FOXP1: variants seen among roughly 807,000 people sequenced by gnomAD.
FOXP1 encodes forkhead box P1, also known as forkhead box protein P1.
A neutral mutation model predicts 98.2 loss-of-function variants in FOXP1; 15 were observed. The ratio of observed to expected loss-of-function variants is 0.15; its 90% CI spans 0.10 to 0.24. The LOEUF (loss-of-function observed/expected upper bound fraction) is 0.24, where lower values mean the gene tolerates loss of function less well. Among genes scored for constraint, FOXP1 ranks in the 10% least tolerant of loss-of-function variants. FOXP1 has a pLI of 1.00. For synonymous variants in FOXP1, 371 were observed against 314.5 expected (o/e 1.18, Z -1.90); for missense variants, 633 against 848.5 (o/e 0.75, Z 3.15).
chr3:71,558,587 G>A (rs899093531), intron 2 of FOXP1, among the ~76,000 whole-genome samples: 8 of 149,348 alleles, frequency 5.4e-5, no homozygotes, highest in South Asian at 2.2e-4. Flanking sequence ...CTCCGCCTCC[G>A]GGATTCAAGC....
intron 11 of FOXP1, among the ~76,000 whole-genome samples, chr3:71,038,844 T>C (rs1020509918): frequency 6.6e-6 from 1 of 152,068 alleles, no homozygotes; most frequent in Non-Finnish European, 1.5e-5. Flanking sequence ...AAAAAAAGTT[T>C]AATGGAAATT....
intron 14 of FOXP1, among the ~76,000 whole-genome samples, chr3:70,980,261 T>C (rs1168116077): frequency 3.3e-5 from 5 of 152,152 alleles, no homozygotes; most frequent in Non-Finnish European, 7.3e-5. Context: ...ACAGTATGTA[T>C]AAGCATCAGC....
chr3:71,306,471 G>A (rs561340331), intron 4 of FOXP1, among the ~76,000 whole-genome samples: 1 of 151,854 alleles, frequency 6.6e-6, no homozygotes, highest in South Asian at 2.1e-4. Flanking sequence ...TCTCTGCTTT[G>A]TCACATTGTA....
intron 2 of FOXP1, among the ~76,000 whole-genome samples, chr3:71,568,804 G>A (rs950021556): frequency 6.6e-6 from 1 of 151,980 alleles, no homozygotes; most frequent in Admixed American, 6.6e-5. Flanking sequence ...GAGCCACCAC[G>A]CCCGGCTAAT....
At chr3:71,224,062 G>A (rs2065636911) in intron 5 of FOXP1, among the ~76,000 whole-genome samples, 1 of 152,154 alleles carries the variant, frequency 6.6e-6, no homozygotes, top group South Asian at 2.1e-4. Context: ...GAATTTAGAG[G>A]AATTAAGATT....
chr3:71,496,394 G>C (rs576854355), intron 2 of FOXP1, among the ~76,000 whole-genome samples: 2 of 152,308 alleles, frequency 1.3e-5, no homozygotes, highest in Admixed American at 1.3e-4. Context: ...AAGGCTTGGG[G>C]GTGAGGAGTA....
At chr3:71,047,510 C>T (rs554035930) in intron 9 of FOXP1, among the ~76,000 whole-genome samples, 13 of 152,274 alleles carry the variant, frequency 8.5e-5, no homozygotes, top group Middle Eastern at 3.4e-3. Context: ...CTGCCTGCAC[C>T]GGCAGAAGCT....
At chr3:71,279,465 C>T (rs2071281386) in intron 5 of FOXP1, among the ~76,000 whole-genome samples, 1 of 152,066 alleles carries the variant, frequency 6.6e-6, no homozygotes, top group Admixed American at 6.6e-5. Context: ...AGGCATCTAG[C>T]AGGTACAGAC....
chr3:71,311,096 T>C (rs2074652580), intron 4 of FOXP1, among the ~76,000 whole-genome samples: 1 of 152,326 alleles, frequency 6.6e-6, no homozygotes, highest in African/African-American at 2.4e-5. Flanking sequence ...TTTTTTGTTT[T>C]TGAGACATGG....
At chr3:71,165,252 A>AG (rs1205706776) in intron 6 of FOXP1, among the ~76,000 whole-genome samples, 1 of 151,448 alleles carries the variant, frequency 6.6e-6, no homozygotes, top group Non-Finnish European at 1.5e-5. Flanking sequence ...TTTTGTAAAA[A>AG]AAAAAAAAAA....
At chr3:71,142,355 T>C (rs534399692) in intron 6 of FOXP1, among the ~76,000 whole-genome samples, 1 of 152,292 alleles carries the variant, frequency 6.6e-6, no homozygotes, top group East Asian at 1.9e-4. Flanking sequence ...CCAGGTGCTA[T>C]GTGAAGGGGT....
intron 9 of FOXP1, 112 bp downstream of exon 9, chr3:71,052,425 C>G: frequency 1.3e-6 from 1 of 775,558 alleles, no homozygotes; most frequent in Non-Finnish European, 2.3e-6. Flanking sequence ...AGCTGAGAAC[C>G]GATAGAGTCA....
At chr3:71,464,318 C>T (rs1379327626) in intron 3 of FOXP1, among the ~76,000 whole-genome samples, 1 of 152,152 alleles carries the variant, frequency 6.6e-6, no homozygotes, top group Non-Finnish European at 1.5e-5. Context: ...GTCTGCAAGT[C>T]GGGAGCAGGT....
chr3:71,191,869 T>C (rs2063000030), intron 6 of FOXP1, among the ~76,000 whole-genome samples: 1 of 152,216 alleles, frequency 6.6e-6, no homozygotes, highest in Non-Finnish European at 1.5e-5. Context: ...GTGGCATTGA[T>C]TCCTACACAA....
At chr3:71,110,622 T>A (rs1029374304) in intron 7 of FOXP1, among the ~76,000 whole-genome samples, 5 of 152,210 alleles carry the variant, frequency 3.3e-5, no homozygotes, top group African/African-American at 1.2e-4. Flanking sequence ...CCCAGTACTT[T>A]AATATGTACC....
chr3:71,582,616 G>T (rs1209576494), intron 1 of FOXP1: 24 of 985,332 alleles, frequency 2.4e-5, no homozygotes, highest in African/African-American at 3.5e-5. Context: ...TCAGAGGGGG[G>T]TAAAATCAGA....
chr3:71,386,741 C>CAA (rs5850010), intron 3 of FOXP1, among the ~76,000 whole-genome samples: 12,906 of 90,502 alleles, frequency 0.14, 1,528 homozygotes, highest in African/African-American at 0.3. Context: ...GATTCCGTCT[C>CAA]AAAAAAAAAA....
At chr3:71,478,601 T>C (rs2090036559) in intron 3 of FOXP1, among the ~76,000 whole-genome samples, 1 of 152,260 alleles carries the variant, frequency 6.6e-6, no homozygotes, top group African/African-American at 2.4e-5. Flanking sequence ...CTTATTTATT[T>C]ATGCTTCTCT....
chr3:71,430,886 G>A (rs1379118557), intron 3 of FOXP1, among the ~76,000 whole-genome samples: 2 of 152,274 alleles, frequency 1.3e-5, no homozygotes, highest in African/African-American at 4.8e-5. Flanking sequence ...AGGCCTTACA[G>A]GTCACTGACT....
Sources: allele counts gnomAD v4.1 joint callset (sites outside exome capture counted in the v4.1 genomes callset), GRCh38; gene constraint gnomAD v4.1.1; transcripts MANE v1.5; gene names NCBI Gene and HGNC (gene_info 2026-07-23, HGNC 2026-07-21).